The following ANKRD18B variants were observed in gnomAD, a reference collection of about 807,000 sequenced individuals.
ANKRD18B encodes the protein ankyrin repeat domain-containing protein 18B.
Under a neutral mutation model 111.8 loss-of-function variants are expected in ANKRD18B, and 75 were observed. The ratio of observed to expected loss-of-function variants is 0.67; its 90% CI spans 0.56 to 0.81. The LOEUF (loss-of-function observed/expected upper bound fraction) is 0.81, where lower values mean the gene tolerates loss of function less well. Among genes scored for constraint, ANKRD18B ranks in the 40% least tolerant of loss-of-function variants. The pLI is 0.00. For synonymous variants in ANKRD18B, 356 were observed against 417.3 expected (o/e 0.85, Z 1.79); for missense variants, 1,038 against 1,225.5 (o/e 0.85, Z 2.28).
intron 8 of ANKRD18B, among the ~76,000 whole-genome samples, chr9:33,540,426 T>C (rs1828262747): frequency 6.6e-6 from 1 of 152,224 alleles, no homozygotes; most frequent in Admixed American, 6.5e-5. Flanking sequence ...AATGTAGTTA[T>C]ATGATTAGCT....
At chr9:33,561,430 T>C (rs1021734838) in intron 14 of ANKRD18B, among the ~76,000 whole-genome samples, 2 of 152,218 alleles carry the variant, frequency 1.3e-5, no homozygotes, top group African/African-American at 4.8e-5. Flanking sequence ...ATATCCTATA[T>C]ATGTAAGTCC....
chr9:33,552,498 C>T (rs1828460814), intron 12 of ANKRD18B, among the ~76,000 whole-genome samples: 1 of 152,178 alleles, frequency 6.6e-6, no homozygotes, highest in South Asian at 2.1e-4. Context: ...GGGTTTTCAG[C>T]TCCGTGGCTC....
chr9:33,526,367 A>G (rs1169766837), intron 1 of ANKRD18B, among the ~76,000 whole-genome samples: 7 of 152,176 alleles, frequency 4.6e-5, no homozygotes, highest in Non-Finnish European at 8.8e-5. Flanking sequence ...ATATGTGAAG[A>G]TGCATTTTGT....
intron 11 of ANKRD18B, among the ~76,000 whole-genome samples, chr9:33,549,455 G>T (rs915893618): frequency 6.6e-6 from 1 of 152,090 alleles, no homozygotes; most frequent in Non-Finnish European, 1.5e-5. Flanking sequence ...TTATGTTGCC[G>T]CATTTTAAGA....
rs1196639193 is a variant in ANKRD18B, at chr9:33,548,079, A to T, written c.1291A>T (p.Lys431Ter). 6.5e-7 allele frequency: 1 copy of T among 1,536,684 alleles called. No homozygotes were observed. Among genetic ancestry groups the T allele is most frequent in the Non-Finnish European group, 8.8e-7 (1 of 1,142,474 alleles). The change falls in exon 11 of 19, where the codon AAA becomes TAA. Residue 431 changes from lysine to a stop codon, truncating the protein, a stop_gained. Coordinates refer to ENST00000684830, the MANE Select transcript of ANKRD18B (RefSeq NM_001393611.1). LOFTEE classifies it high-confidence loss of function. ...RKEKKYIQEI[K>*]SITEINANFE... ...GGAAAAGAAATATATTCAGGAAATT[A>T]AAAGTATTACAGAAATAAATGCTAA...
In ANKRD18B at chr9:33,572,439, T is replaced by C. The variant is rs1259203596; in HGVS notation, c.*5T>C. 5 of 1,531,602 alleles carry C rather than the reference T, an allele frequency of 3.3e-6. No individual in the cohort carries two copies. Among genetic ancestry groups the C allele is most frequent in the Non-Finnish European group, 4.4e-6 (5 of 1,132,638 alleles). 94.9% of individuals were successfully genotyped at this position (1,531,602 alleles called of 1,614,324 possible). On this transcript the variant is annotated 3_prime_UTR_variant, in exon 19 of 19. Coordinates refer to ENST00000684830, the MANE Select transcript of ANKRD18B (RefSeq NM_001393611.1). ...AGGAAAAGTTGTATGATTTAAAAGA[T>C]CATAAAACTTTATTACTGGGCTATT... is the stretch of plus-strand genomic sequence containing the variant.
At chr9:33,570,299 G>T (rs1451301888) in intron 17 of ANKRD18B, among the ~76,000 whole-genome samples, 1 of 152,138 alleles carries the variant, frequency 6.6e-6, no homozygotes, top group Admixed American at 6.5e-5. Context: ...AATAAGAATG[G>T]GGAGGGACAG....
chr9:33,558,162 T>G lies in ANKRD18B; in HGVS notation c.2435T>G (p.Ile812Ser), dbSNP rs1263693442. ...AATACAGACCAACTGAAAATGGATATTCTGTTTAAGAAGCTAAAACAGAAG... is the reference window on the plus strand; with the variant it reads ...AATACAGACCAACTGAAAATGGATAGTCTGTTTAAGAAGCTAAAACAGAAG... ...DLNTDQLKMDILFKKLKQKFD... is the reference protein window; with the variant it reads ...DLNTDQLKMDSLFKKLKQKFD... Residue 812 changes from isoleucine to serine, a missense_variant, in exon 14 of 19, where the codon ATT becomes AGT. By Grantham distance (142) the Ile-to-Ser change is moderately radical. Around this residue, in one of 4 missense-constraint regions of ANKRD18B, gnomAD observed 524 missense variants for 677.9 expected, o/e 0.77. Coordinates refer to ENST00000684830, the MANE Select transcript of ANKRD18B (RefSeq NM_001393611.1). The G allele has an allele frequency of 1.2e-6, 2 of 1,610,692 alleles. No individual in the cohort carries two copies. The highest frequency in any genetic ancestry group is 1.7e-6 in the Non-Finnish European group (2 of 1,178,978).
chr9:33,561,836 T>C (rs1828613130), intron 14 of ANKRD18B, among the ~76,000 whole-genome samples: 1 of 152,256 alleles, frequency 6.6e-6, no homozygotes, highest in African/African-American at 2.4e-5. Context: ...TGCAGGCTTA[T>C]TTTTAGATTA....
At chr9:33,555,913 A>G (rs1307713970) in intron 13 of ANKRD18B, 93 bp downstream of exon 13, 6 of 856,652 alleles carry the variant, frequency 7.0e-6, no homozygotes, top group East Asian at 3.3e-5. Context: ...AATTCATTTT[A>G]TGTCTTCATT....
chr9:33,572,694 G>C lies in ANKRD18B; in HGVS notation c.*260G>C, dbSNP rs1828800178. On this transcript the variant is annotated 3_prime_UTR_variant, in exon 19 of 19. Transcript: ENST00000684830. ...ACAGCCAAACAACCAAGTCATCATT[G>C]ATACTGTAGTAAAGGTCATCTTTGC... 13 of 1,093,708 alleles carry C rather than the reference G, an allele frequency of 1.2e-5. No homozygotes were observed. The highest frequency in any genetic ancestry group is 1.4e-5 in the Non-Finnish European group (13 of 899,018). 67.8% of individuals were successfully genotyped at this position (1,093,708 alleles called of 1,614,324 possible).
intron 11 of ANKRD18B, among the ~76,000 whole-genome samples, chr9:33,549,663 A>C (rs1563904444): frequency 6.6e-6 from 1 of 152,138 alleles, no homozygotes; most frequent in Admixed American, 6.6e-5. Context: ...GATTCATACC[A>C]ATGTGACTTA....
At chr9:33,535,997 A>G (rs1207646933) in intron 5 of ANKRD18B, among the ~76,000 whole-genome samples, 2 of 151,948 alleles carry the variant, frequency 1.3e-5, no homozygotes, top group African/African-American at 4.8e-5. Flanking sequence ...CTTTCATGGA[A>G]CTGAAAAACA....
intron 3 of ANKRD18B, among the ~76,000 whole-genome samples, chr9:33,531,550 C>T (rs1311653752): frequency 6.7e-6 from 1 of 150,092 alleles, no homozygotes; most frequent in Non-Finnish European, 1.5e-5. Context: ...GTCTGCTGCG[C>T]AGAGGTTGCC....
At chr9:33,557,331 T>G (rs1235610232) in intron 13 of ANKRD18B, among the ~76,000 whole-genome samples, 4 of 152,180 alleles carry the variant, frequency 2.6e-5, no homozygotes, top group Non-Finnish European at 5.9e-5. Context: ...TTATAGACTG[T>G]GGTCAACGGA....
At chr9:33,527,341 C>T (rs192477118) in intron 1 of ANKRD18B, among the ~76,000 whole-genome samples, 105 of 107,908 alleles carry the variant, frequency 9.7e-4, no homozygotes, top group African/African-American at 2.8e-3. Flanking sequence ...TTTCTTTTTG[C>T]GACAGAGTCT....
chr9:33,548,813 A>G lies in ANKRD18B; in HGVS notation c.2025A>G (p.Lys675=). The G allele has an allele frequency of 6.6e-6, 10 of 1,512,106 alleles. 1 individual carries two copies. Among genetic ancestry groups the G allele is most frequent in the Non-Finnish European group, 8.8e-6 (10 of 1,131,666 alleles). 93.7% of individuals were successfully genotyped at this position (1,512,106 alleles called of 1,614,324 possible). Reference sequence around the variant, plus strand: ...TAATGAATGAATATAATTATTTAAAAGAAAAACTGCTTCAGTATGAAAAAG... The same window carrying G: ...TAATGAATGAATATAATTATTTAAAGGAAAAACTGCTTCAGTATGAAAAAG... ...KELMNEYNYL[K]EKLLQYEKEK... The change falls in exon 11 of 19, where the codon AAA becomes AAG. Residue 675 remains lysine, a synonymous_variant. Coordinates refer to ENST00000684830, the MANE Select transcript of ANKRD18B (RefSeq NM_001393611.1).
Position 33,524,495 on chromosome 9 carries a change from G to A in ANKRD18B, c.6G>A (p.Arg2=), listed in dbSNP as rs147274232. 3.6e-4 allele frequency: 555 copies of A among 1,547,508 alleles called. 1 individual carries two copies. The African/African-American group carries it at 6.5e-3, about 18-fold the overall frequency. M[R]KLLSFGRRLG... ...GCATCTGAGAAGTCGCCACCATGAG[G>A]AAGCTCCTCAGTTTTGGGAGACGCC... The change falls in exon 1 of 19, where the codon AGG becomes AGA. Residue 2 remains arginine (R), a synonymous_variant. Transcript: ENST00000684830.
chr9:33,532,541 T>C (rs1748832), intron 3 of ANKRD18B, among the ~76,000 whole-genome samples: 1 of 152,352 alleles, frequency 6.6e-6, no homozygotes, highest in East Asian at 1.9e-4. Flanking sequence ...TTACACAGAA[T>C]ATACTGAGCT....
Sources: allele counts gnomAD v4.1 joint callset (sites outside exome capture counted in the v4.1 genomes callset), GRCh38; gene constraint gnomAD v4.1.1; regional missense constraint gnomAD v4.1.1; transcripts MANE v1.5; gene names NCBI Gene and HGNC (gene_info 2026-07-23, HGNC 2026-07-21).